The following SPAG5 variants were observed in gnomAD, a reference collection of about 807,000 sequenced individuals.
The protein encoded by SPAG5 is sperm-associated antigen 5.
SPAG5 carries 99 observed loss-of-function variants against 145.4 expected under a neutral mutation model. The ratio of observed to expected loss-of-function variants is 0.68; its 90% CI spans 0.58 to 0.80. SPAG5 has a LOEUF of 0.80. SPAG5 is among the 30% of genes least tolerant of loss of function. The pLI, the probability that SPAG5 is intolerant of heterozygous loss-of-function variation, is 0.00. For synonymous variants in SPAG5, 477 were observed against 525.4 expected (o/e 0.91, Z 1.26); for missense variants, 1,192 against 1,416.0 (o/e 0.84, Z 2.54).
chr17:28,598,563 T>C lies in SPAG5; in HGVS notation c.124A>G (p.Arg42Gly). ...QPGALTNSGK[R>G]SPACSSLTPS... Reference sequence around the variant, plus strand: ...GTCAGCGAGGAGCAAGCGGGGGATCTTTTTCCAGAGTTGGTGAGGGCACCG... The same window carrying C: ...GTCAGCGAGGAGCAAGCGGGGGATCCTTTTCCAGAGTTGGTGAGGGCACCG... Residue 42 changes from arginine (R) to glycine (G), a missense_variant, in exon 2 of 24, where the codon AGA (arginine) becomes GGA (glycine). Physicochemically the swap from Arg to Gly is moderately radical, Grantham distance 125. This residue lies in a region of SPAG5 where 329 missense variants were observed against 354.0 expected (regional missense o/e 0.93). Coordinates refer to ENST00000321765, the MANE Select transcript of SPAG5 (RefSeq NM_006461.4). 1.2e-6 allele frequency: 2 copies of C among 1,612,870 alleles called. No homozygotes were observed. The highest frequency in any genetic ancestry group is 1.7e-5 in the Admixed American group (1 of 59,862).
intron 15 of SPAG5, among the ~76,000 whole-genome samples, chr17:28,582,002 A>G (rs1202356901): frequency 1.3e-5 from 2 of 151,978 alleles, no homozygotes; most frequent in Non-Finnish European, 2.9e-5. Context: ...TCTCACATCA[A>G]ATTGGTCACT....
chr17:28,585,734 G>C (rs1567624724), intron 7 of SPAG5, 81 bp from the exon 8 acceptor site: 1 of 1,608,418 alleles, frequency 6.2e-7, no homozygotes, highest in Non-Finnish European at 8.5e-7. Context: ...CACCTCAATA[G>C]ATCAGTTCTT....
chr17:28,581,408 C>T (rs1190992797), intron 15 of SPAG5, among the ~76,000 whole-genome samples: 1 of 151,612 alleles, frequency 6.6e-6, no homozygotes, highest in Non-Finnish European at 1.5e-5. Context: ...CTGCCATCCT[C>T]GTCCTGCTAC....
intron 17 of SPAG5, 70 bp downstream of exon 17, chr17:28,579,681 T>C (rs1407468835): frequency 6.7e-7 from 1 of 1,497,202 alleles, no homozygotes; most frequent in South Asian, 1.1e-5. Flanking sequence ...CACTTCTCAC[T>C]GCTTTCGTCT....
rs938449808 is a variant in SPAG5 at position 28,593,212 on chromosome 17, T to C, written c.178-146A>G. 2.8e-6 allele frequency: 3 copies of C among 1,070,298 alleles called. No homozygotes were observed. In the African/African-American group the frequency reaches 4.8e-5, roughly 17 times the overall value. 66.3% of individuals were successfully genotyped at this position (1,070,298 alleles called of 1,614,324 possible). On this transcript the variant is annotated intron_variant, in intron 2 of 23. Transcript: ENST00000321765. Reference sequence around the variant, plus strand: ...GAACTTGGCTAATCTTTGTTGCTCATATAGAGACCCAATAGTAGGGAAAGA... The same window carrying C: ...GAACTTGGCTAATCTTTGTTGCTCACATAGAGACCCAATAGTAGGGAAAGA...
intron 22 of SPAG5, 34 bp from the exon 23 acceptor site, chr17:28,578,124 A>G: frequency 1.9e-6 from 3 of 1,611,750 alleles, no homozygotes; most frequent in Non-Finnish European, 2.5e-6. Flanking sequence ...AGTCCTATGC[A>G]TAAAAGAGCA....
Position 28,592,723 on chromosome 17 carries a change from A to G in SPAG5, c.521T>C (p.Val174Ala). Reference protein sequence around the residue: ...LRTDDLVREEVAPCMGDRFSE... With the variant: ...LRTDDLVREEAAPCMGDRFSE... ...AAACCTGTCTCCCATGCAGGGTGCC[A>G]CCTCCTCTCTCACCAGATCGTCTGT... Residue 174 changes from valine (V) to alanine (A), a missense_variant, in exon 3 of 24, where the codon GTG becomes GCG. Around this residue, in one of 5 missense-constraint regions of SPAG5, gnomAD observed 329 missense variants for 354.0 expected, o/e 0.93. Coordinates refer to ENST00000321765, the MANE Select transcript of SPAG5 (RefSeq NM_006461.4). The G allele has an allele frequency of 6.2e-7, 1 of 1,614,094 alleles. No individual in the cohort carries two copies. The highest frequency in any genetic ancestry group is 8.5e-7 in the Non-Finnish European group (1 of 1,180,008).
rs1391407160 is a variant in SPAG5, at chr17:28,578,044, T to C, written c.3476A>G (p.Glu1159Gly). Reference sequence around the variant, plus strand: ...ATGCTGAACAATGTCATCTAGTTTTTCTAACTCCTTGTCAGAGCGCCGAAG... The same window carrying C: ...ATGCTGAACAATGTCATCTAGTTTTCCTAACTCCTTGTCAGAGCGCCGAAG... ...ENLRRSDKEL[E>G]KLDDIVQHIY... is the part of the protein sequence containing the mutation. The change falls in exon 23 of 24, where the codon GAA becomes GGA. Residue 1159 changes from glutamate to glycine, a missense_variant. Physicochemically the swap from Glu to Gly is moderately conservative, Grantham distance 98. This residue lies in a region of SPAG5 where 709 missense variants were observed against 840.7 expected (regional missense o/e 0.84). Coordinates refer to ENST00000321765, the MANE Select transcript of SPAG5 (RefSeq NM_006461.4). 6.2e-7 allele frequency: 1 copy of C among 1,614,020 alleles called. No homozygotes were observed. Among genetic ancestry groups the C allele is most frequent in the African/African-American group, 1.3e-5 (1 of 74,930 alleles).
At chr17:28,585,027 C>A in intron 10 of SPAG5, 75 bp downstream of exon 10, 1 of 1,358,268 alleles carries the variant, frequency 7.4e-7, no homozygotes. Flanking sequence ...GAAAACAGAT[C>A]CAGGGTAAGA....
chr17:28,582,789 A>G (rs1402158749), intron 15 of SPAG5: 4 of 152,252 alleles, frequency 2.6e-5, no homozygotes, highest in Admixed American at 2.6e-4. Context: ...AGGCCAAAGA[A>G]GGCTATATTT....
In SPAG5 at chr17:28,592,547, C is replaced by T; in HGVS notation, c.697G>A (p.Val233Ile). 6.2e-7 allele frequency: 1 copy of T among 1,614,220 alleles called. No homozygotes were observed. The highest frequency in any genetic ancestry group is 2.2e-5 in the East Asian group (1 of 44,890). The change falls in exon 3 of 24, where the codon GTA becomes ATA. Residue 233 changes from valine (V) to isoleucine (I), a missense_variant. Transcript: ENST00000321765. Reference protein sequence around the residue: ...SRTEAVREDLVPSESNAFLPS... With the variant: ...SRTEAVREDLIPSESNAFLPS... The stretch of plus-strand genomic sequence containing the variant: ...AAGAAGGCGTTACTTTCAGAAGGTA[C>T]TAAGTCCTCACGCACAGCCTCAGTT...
chr17:28,577,937 T>G, intron 23 of SPAG5, 73 bp downstream of exon 23: 1 of 1,355,720 alleles, frequency 7.4e-7, no homozygotes, highest in East Asian at 2.3e-5. Flanking sequence ...ACCAGATCTG[T>G]GCTCATTAGT....
In SPAG5 at chr17:28,585,084, C is replaced by G; in HGVS notation, c.2067+18G>C. On this transcript the variant is annotated intron_variant, in intron 10 of 23. Transcript: ENST00000321765. ...GGAAGGAAACCAAGCCTAAGCAGTCCCCACTCTTGGTTTGTACCTCCTGCT... is the reference window on the plus strand; with the variant it reads ...GGAAGGAAACCAAGCCTAAGCAGTCGCCACTCTTGGTTTGTACCTCCTGCT... 1 of 1,599,116 alleles carries G rather than the reference C, an allele frequency of 6.3e-7. No individual in the cohort carries two copies. The highest frequency in any genetic ancestry group is 8.6e-7 in the Non-Finnish European group (1 of 1,166,392).
Position 28,591,719 on chromosome 17 carries a change from CT to C in SPAG5, c.1415del (p.Gln472ArgfsTer9). On this transcript the variant is annotated frameshift_variant, in exon 4 of 24. Transcript: ENST00000321765. LOFTEE classifies it high-confidence loss of function. ...PHPETQDSST[Q>X]TDTSHSGITN... ...TTACCCCACTGTGAGATGTGTCAGT[CT>C]GTGTGCTACTGTCCTGGGTTTCTGG... 1.2e-6 allele frequency: 2 copies of C among 1,612,796 alleles called. No homozygotes were observed. The highest frequency in any genetic ancestry group is 1.7e-6 in the Non-Finnish European group (2 of 1,179,202).
At chr17:28,593,381 A>G (rs1017710762) in intron 2 of SPAG5, among the ~76,000 whole-genome samples, 5 of 152,134 alleles carry the variant, frequency 3.3e-5, no homozygotes, top group African/African-American at 4.8e-5. Flanking sequence ...GCACTTCTAG[A>G]TGAACAGATA....
rs770699636 is a variant in SPAG5 at position 28,598,990 on chromosome 17, G to A, written c.-44C>T. 2 of 1,594,598 alleles carry A rather than the reference G, an allele frequency of 1.3e-6. No homozygotes were observed. The highest frequency in any genetic ancestry group is 2.2e-5 in the East Asian group (1 of 44,798). On this transcript the variant is annotated 5_prime_UTR_variant, in exon 1 of 24. Coordinates refer to ENST00000321765, the MANE Select transcript of SPAG5 (RefSeq NM_006461.4). Reference sequence around the variant, plus strand: ...CCTATCACGTCTCAGACCAAGTCGAGGACGCCATGTTCACCCGCCGTCTGT... The same window carrying A: ...CCTATCACGTCTCAGACCAAGTCGAAGACGCCATGTTCACCCGCCGTCTGT...
intron 14 of SPAG5, 61 bp from the exon 15 acceptor site, chr17:28,583,710 C>A: frequency 1.3e-6 from 2 of 1,552,606 alleles, no homozygotes; most frequent in South Asian, 1.2e-5. Context: ...ACGCCTATCC[C>A]AAATCCCCAC....
Position 28,592,136 on chromosome 17 carries a change from G to A in SPAG5, c.1108C>T (p.Arg370Trp), listed in dbSNP as rs36075943. 3.1e-5 allele frequency: 50 copies of A among 1,614,124 alleles called. No individual in the cohort carries two copies. The African/African-American group carries it at 3.5e-4, about 11-fold the overall frequency. The change falls in exon 3 of 24, where the codon CGG (arginine) becomes TGG (tryptophan). Residue 370 changes from arginine to tryptophan, a missense_variant. Physicochemically the swap from Arg to Trp is moderately radical, Grantham distance 101. This residue lies in a region of SPAG5 where 125 missense variants were observed against 143.8 expected (regional missense o/e 0.87). Transcript: ENST00000321765. ...GGGGTAGTGCCAATTGCAGCATCCC[G>A]AAGCATCGAGGGAAGGGATAAGCTT... Reference protein sequence around the residue: ...RQSLSLPSMLRDAAIGTTPFS... With the variant: ...RQSLSLPSMLWDAAIGTTPFS...
intron 2 of SPAG5, among the ~76,000 whole-genome samples, chr17:28,594,344 C>A (rs1027484967): frequency 4.6e-5 from 7 of 152,122 alleles, no homozygotes; most frequent in Non-Finnish European, 4.4e-5. Context: ...GCCTGTAATC[C>A]CAGCACTTTG....
Sources: gnomAD v4.1 joint callset for allele counts (sites outside exome capture counted in the v4.1 genomes callset) on GRCh38, gnomAD v4.1.1 for gene constraint, gnomAD v4.1.1 regional missense constraint, MANE v1.5 for transcripts, NCBI Gene and HGNC (gene_info 2026-07-23, HGNC 2026-07-21) for gene names.